Variants in UVRAG observed in about 807,000 individuals in gnomAD.
UVRAG encodes UV radiation resistance associated, also known as UV radiation resistance-associated gene protein.
A neutral mutation model predicts 78.0 loss-of-function variants in UVRAG; 19 were observed. The ratio of observed to expected loss-of-function variants is 0.24; its 90% CI spans 0.17 to 0.36. The LOEUF (loss-of-function observed/expected upper bound fraction) is 0.36, where lower values mean the gene tolerates loss of function less well. UVRAG is among the 10% of genes least tolerant of loss of function. The pLI is 1.00. For missense variants in UVRAG, 740 were observed against 853.8 expected, an observed-to-expected ratio of 0.87 and a Z score of 1.66; for synonymous variants, 323 against 324.6, an observed-to-expected ratio of 1.00 and a Z score of 0.05.
At chr11:75,962,050 G>A (rs1948920925) in intron 7 of UVRAG, among the ~76,000 whole-genome samples, 1 of 152,068 alleles carries the variant, frequency 6.6e-6, no homozygotes, top group Admixed American at 6.5e-5. Flanking sequence ...ATAATTTTGA[G>A]TTGTTTTTCC....
intron 11 of UVRAG, among the ~76,000 whole-genome samples, chr11:76,016,317 G>T (rs1434423405): frequency 6.6e-6 from 1 of 151,958 alleles, no homozygotes. Context: ...TCAATATCAA[G>T]AACATACCCC....
Position 76,059,830 on chromosome 11 carries a change from G to A in UVRAG, c.1227-5880G>A, listed in dbSNP as rs950263921. ...TAGTCTGGACAGGAGAAAGTATACCGAGTTTGAGGTAAAGTCATTGCCTCA... is the reference window on the plus strand; with the variant it reads ...TAGTCTGGACAGGAGAAAGTATACCAAGTTTGAGGTAAAGTCATTGCCTCA... On this transcript the variant is annotated intron_variant, in intron 12 of 14. Transcript: ENST00000356136. Among the ~76,000 whole-genome samples the A allele has an allele frequency of 1.4e-4, 21 of 152,232 alleles. No homozygotes were observed. The East Asian group carries it at 1.7e-3, about 13-fold the overall frequency.
intron 2 of UVRAG, among the ~76,000 whole-genome samples, chr11:75,855,543 T>A (rs1946268697): frequency 6.6e-6 from 1 of 152,218 alleles, no homozygotes; most frequent in South Asian, 2.1e-4. Context: ...TCTTTAGTAA[T>A]TCTAGTTAGT....
chr11:75,877,421 G>C (rs1381720138), intron 3 of UVRAG, among the ~76,000 whole-genome samples: 4 of 151,974 alleles, frequency 2.6e-5, no homozygotes, highest in South Asian at 4.2e-4. Flanking sequence ...TCCCAGTAGG[G>C]GCGGCCGGGC....
intron 8 of UVRAG, among the ~76,000 whole-genome samples, chr11:75,992,044 T>C (rs1949617880): frequency 6.6e-6 from 1 of 152,166 alleles, no homozygotes; most frequent in Non-Finnish European, 1.5e-5. Context: ...ACTATTATTA[T>C]CCTTCTAATA....
chr11:76,140,731 G>A lies in UVRAG; in HGVS notation c.1418G>A (p.Ser473Asn). The A allele has an allele frequency of 3.1e-6, 5 of 1,598,596 alleles. No individual in the cohort carries two copies. Among genetic ancestry groups the A allele is most frequent in the Non-Finnish European group, 4.3e-6 (5 of 1,173,906 alleles). The change falls in exon 15 of 15, where the codon AGT becomes AAT. Residue 473 changes from serine to asparagine, a missense_variant. By Grantham distance (46) the Ser-to-Asn change is conservative (BLOSUM62 1). Coordinates refer to ENST00000356136, the MANE Select transcript of UVRAG (RefSeq NM_003369.4). ...TCTAGTGACAGACATCACACCTCCAGTGCAATCCCTGTTCCTAAGAGACAA... is the reference window on the plus strand; with the variant it reads ...TCTAGTGACAGACATCACACCTCCAATGCAATCCCTGTTCCTAAGAGACAA... ...MVRCDRHHTS[S>N]AIPVPKRQSS...
intron 12 of UVRAG, among the ~76,000 whole-genome samples, chr11:76,052,765 C>T (rs1056790331): frequency 1.3e-5 from 2 of 152,066 alleles, no homozygotes; most frequent in African/African-American, 4.8e-5. Context: ...ATCCTTCGTT[C>T]ATATTCTCAA....
intron 1 of UVRAG, among the ~76,000 whole-genome samples, chr11:75,829,368 G>A (rs1419523296): frequency 3.3e-5 from 5 of 152,190 alleles, no homozygotes; most frequent in Non-Finnish European, 7.4e-5. Flanking sequence ...GCAAATGAAA[G>A]CAATACCACT....
intron 5 of UVRAG, among the ~76,000 whole-genome samples, chr11:75,897,108 A>G (rs1489915808): frequency 2.6e-5 from 4 of 152,252 alleles, no homozygotes; most frequent in Non-Finnish European, 5.9e-5. Context: ...TGTGGATGAA[A>G]GAAACCCAAG....
chr11:76,141,453 C>T lies in UVRAG; in HGVS notation c.*40C>T. On this transcript the variant is annotated 3_prime_UTR_variant, in exon 15 of 15. Transcript: ENST00000356136. ...CAGTAGGACTGGGGCAGAAGCTCTG[C>T]CTAAAATGAAGTGAAAGCTGCACTT... The T allele has an allele frequency of 1.3e-6, 2 of 1,567,986 alleles. No homozygotes were observed. Among genetic ancestry groups the T allele is most frequent in the Non-Finnish European group, 8.7e-7 (1 of 1,152,084 alleles).
At chr11:75,959,562 T>C (rs1948871067) in intron 6 of UVRAG, among the ~76,000 whole-genome samples, 1 of 152,222 alleles carries the variant, frequency 6.6e-6, no homozygotes, top group Admixed American at 6.5e-5. Flanking sequence ...GAGAAGGTTG[T>C]GGCTGGTTTG....
At chr11:75,956,245 G>A (rs1055238078) in intron 6 of UVRAG, among the ~76,000 whole-genome samples, 1 of 151,730 alleles carries the variant, frequency 6.6e-6, no homozygotes, top group Middle Eastern at 3.2e-3. Flanking sequence ...GTAGACATAC[G>A]TTTTTTATTT....
chr11:76,049,062 G>C (rs1436145951), intron 12 of UVRAG, among the ~76,000 whole-genome samples: 1 of 152,190 alleles, frequency 6.6e-6, no homozygotes, highest in African/African-American at 2.4e-5. Context: ...TCCCCACCTG[G>C]CTCTCAGCCG....
At chr11:76,040,417 G>T (rs368809061) in intron 12 of UVRAG, among the ~76,000 whole-genome samples, 53 of 146,354 alleles carry the variant, frequency 3.6e-4, no homozygotes, top group African/African-American at 1.3e-3. Context: ...AGCTTGCAGT[G>T]AGCCGAGATC....
chr11:75,825,513 A>G (rs1945492607), intron 1 of UVRAG, among the ~76,000 whole-genome samples: 1 of 152,200 alleles, frequency 6.6e-6, no homozygotes, highest in African/African-American at 2.4e-5. Flanking sequence ...CAGAATGGAA[A>G]CTTGACATTG....
At chr11:76,099,088 A>G (rs867756753) in intron 13 of UVRAG, among the ~76,000 whole-genome samples, 60 of 152,152 alleles carry the variant, frequency 3.9e-4, no homozygotes, top group African/African-American at 1.4e-3. Context: ...CTTAGGTCCT[A>G]ACACCTCAAG....
intron 1 of UVRAG, among the ~76,000 whole-genome samples, chr11:75,821,220 C>G (rs1448781163): frequency 6.6e-6 from 1 of 152,184 alleles, no homozygotes; most frequent in East Asian, 1.9e-4. Flanking sequence ...GCAATGTTTT[C>G]AAGGTTCATC....
At chr11:76,037,710 G>A (rs1023234282) in intron 12 of UVRAG, among the ~76,000 whole-genome samples, 9 of 152,116 alleles carry the variant, frequency 5.9e-5, no homozygotes, top group African/African-American at 1.4e-4. Context: ...AGACCCTGTC[G>A]CAAGGAAAGG....
intron 4 of UVRAG, among the ~76,000 whole-genome samples, chr11:75,884,242 C>T (rs202094728): frequency 3.4e-5 from 5 of 148,626 alleles, no homozygotes; most frequent in Admixed American, 6.7e-5. Context: ...CTCTCTCTTT[C>T]TCTCTCTCTC....
Sources: gnomAD v4.1 joint callset for allele counts (sites outside exome capture counted in the v4.1 genomes callset) on GRCh38, gnomAD v4.1.1 for gene constraint, MANE v1.5 for transcripts, NCBI Gene and HGNC (gene_info 2026-07-23, HGNC 2026-07-21) for gene names.